OTOR: variants seen among roughly 807,000 people sequenced by gnomAD.
The protein encoded by OTOR is otoraplin, also known as fibrocyte-derived protein.
A neutral mutation model predicts 15.9 loss-of-function variants in OTOR; 20 were observed. The observed-to-expected ratio is 1.26, with a 90% confidence interval of 0.89 to 1.83. The LOEUF (loss-of-function observed/expected upper bound fraction) is 1.83. Ranked by LOEUF, OTOR falls within the 40% of genes most tolerant of loss-of-function variation. The pLI, the probability that OTOR is intolerant of heterozygous loss-of-function variation, is 0.00. For missense variants in OTOR, 184 were observed against 159.0 expected, an observed-to-expected ratio of 1.16 and a Z score of -0.85; for synonymous variants, 53 against 54.2, an observed-to-expected ratio of 0.98 and a Z score of 0.09.
Position 16,751,277 on chromosome 20 carries a change from G to C in OTOR, c.*159G>C. ...TAGGGGTTGGAGGTGGCAGATAAAA[G>C]AGGATTTTCAACTCAAATCTTGTTT... On this transcript the variant is annotated 3_prime_UTR_variant, in exon 4 of 4. Transcript: ENST00000246081. 1.7e-6 allele frequency: 1 copy of C among 580,306 alleles called. No homozygotes were observed. The highest frequency in any genetic ancestry group is 2.3e-5 in the South Asian group (1 of 42,896). The allele number at this position is 580,306 out of a possible 1,614,324, so 35.9% of individuals were successfully genotyped here.
intron 1 of OTOR, 109 bp downstream of exon 1, chr20:16,748,625 T>A: frequency 1.3e-6 from 1 of 755,898 alleles, no homozygotes; most frequent in Non-Finnish European, 2.2e-6. Flanking sequence ...CTCCAATGTG[T>A]ATGTTATCAG....
intron 2 of OTOR, among the ~76,000 whole-genome samples, chr20:16,749,209 T>C (rs1249323148): frequency 6.6e-6 from 1 of 152,176 alleles, no homozygotes; most frequent in African/African-American, 2.4e-5. Context: ...TGTAGGTTAA[T>C]GTGATATTTT....
intron 2 of OTOR, 92 bp from the exon 3 acceptor site, chr20:16,749,811 A>T (rs2072516444): frequency 2.4e-6 from 2 of 846,732 alleles, no homozygotes; most frequent in East Asian, 2.6e-5. Flanking sequence ...GGCAGCTATG[A>T]TTCTCACTAT....
chr20:16,749,964 A>ACTAGCGTT lies in OTOR; in HGVS notation c.317_318insCTAGCGTT (p.Lys106AsnfsTer2), dbSNP rs766933769. The ACTAGCGTT allele has an allele frequency of 6.2e-7, 1 of 1,613,874 alleles. No homozygotes were observed. Among genetic ancestry groups the ACTAGCGTT allele is most frequent in the Non-Finnish European group, 8.5e-7 (1 of 1,179,856 alleles). ...GGTTATTTCCCCAGGAACTTGGTCA[A>ACTAGCGTT]GGAACAGCGTGTGTACCAGGAAGCT... On this transcript the variant is annotated stop_gained and frameshift_variant, in exon 3 of 4. Coordinates refer to ENST00000246081, the MANE Select transcript of OTOR (RefSeq NM_020157.4). LOFTEE classifies it high-confidence loss of function.
chr20:16,751,592 G>C lies in OTOR; in HGVS notation c.*474G>C, dbSNP rs1371031630. 1 of 152,638 alleles carries C rather than the reference G, an allele frequency of 6.6e-6. No homozygotes were observed. Among genetic ancestry groups the C allele is most frequent in the Non-Finnish European group, 1.5e-5 (1 of 68,390 alleles). The allele number at this position is 152,638 out of a possible 1,614,324, so 9.5% of individuals were successfully genotyped here. On this transcript the variant is annotated 3_prime_UTR_variant, in exon 4 of 4. Coordinates refer to ENST00000246081, the MANE Select transcript of OTOR (RefSeq NM_020157.4). ...AATAAAAGGTCTGTATTATCAAAGA[G>C]TATTCTAGTATTTTTGTTACTTTTA...
At position 16,751,905 on chromosome 20, in the gene OTOR, A is replaced by C. The variant is rs1263244011; in HGVS notation, c.*787A>C. 8.1e-6 allele frequency: 1 copy of C among 123,296 alleles called. No homozygotes were observed. Among genetic ancestry groups the C allele is most frequent in the Non-Finnish European group, 1.9e-5 (1 of 53,854 alleles). 7.6% of individuals were successfully genotyped at this position (123,296 alleles called of 1,614,324 possible). ...AGCTGCAAGTCATCAAAAGACCCAGAAAAAAAAAAGTCTGTAGGTTATTTT... is the reference window on the plus strand; with the variant it reads ...AGCTGCAAGTCATCAAAAGACCCAGCAAAAAAAAAGTCTGTAGGTTATTTT... On this transcript the variant is annotated 3_prime_UTR_variant, in exon 4 of 4. Coordinates refer to ENST00000246081, the MANE Select transcript of OTOR (RefSeq NM_020157.4).
chr20:16,749,022 C>T lies in OTOR; in HGVS notation c.255+16C>T, dbSNP rs2072511669. On this transcript the variant is annotated intron_variant, in intron 2 of 3. Coordinates refer to ENST00000246081, the MANE Select transcript of OTOR (RefSeq NM_020157.4). ...GGCTGGCAGTGTAAGATAATTTAAA[C>T]ACCTATTGACGAATATTGCTCTTAA... 1 of 1,346,622 alleles carries T rather than the reference C, an allele frequency of 7.4e-7. No homozygotes were observed. The highest frequency in any genetic ancestry group is 1.5e-5 in the African/African-American group (1 of 66,164). 83.4% of individuals were successfully genotyped at this position (1,346,622 alleles called of 1,614,324 possible).
intron 3 of OTOR, among the ~76,000 whole-genome samples, chr20:16,750,604 T>G (rs2072523719): frequency 6.6e-6 from 1 of 152,232 alleles, no homozygotes; most frequent in African/African-American, 2.4e-5. Context: ...AATTATTATG[T>G]TTTTGATCAA....
chr20:16,750,335 G>C (rs1457017347), intron 3 of OTOR, among the ~76,000 whole-genome samples: 1 of 151,592 alleles, frequency 6.6e-6, no homozygotes, highest in African/African-American at 2.4e-5. Flanking sequence ...ATTATGTTTT[G>C]ATATACATTG....
Position 16,751,181 on chromosome 20 carries a change from C to A in OTOR, c.*63C>A. ...AAAATAAAGAAAAGAGCAAAAGTGGCCAAAAAATGCATGTCTGTAATTTTG... is the reference window on the plus strand; with the variant it reads ...AAAATAAAGAAAAGAGCAAAAGTGGACAAAAAATGCATGTCTGTAATTTTG... On this transcript the variant is annotated 3_prime_UTR_variant, in exon 4 of 4. Coordinates refer to ENST00000246081, the MANE Select transcript of OTOR (RefSeq NM_020157.4). 1 of 1,137,616 alleles carries A rather than the reference C, an allele frequency of 8.8e-7. No individual in the cohort carries two copies. Among genetic ancestry groups the A allele is most frequent in the Non-Finnish European group, 1.3e-6 (1 of 795,926 alleles). 70.5% of individuals were successfully genotyped at this position (1,137,616 alleles called of 1,614,324 possible). A position where few individuals can be genotyped will look rare whatever the true frequency, so the allele number is the denominator to read the frequency against.
chr20:16,750,155 G>A, intron 3 of OTOR, 145 bp downstream of exon 3: 2 of 572,198 alleles, frequency 3.5e-6, no homozygotes, highest in Middle Eastern at 2.7e-4. Flanking sequence ...ATGAGGTTTG[G>A]GGGACCATTT....
At chr20:16,750,755 C>A (rs2072524335) in intron 3 of OTOR, among the ~76,000 whole-genome samples, 1 of 152,186 alleles carries the variant, frequency 6.6e-6, no homozygotes, top group South Asian at 2.1e-4. Context: ...GCTTTCTGAG[C>A]TACTTTGCAA....
intron 3 of OTOR, 138 bp downstream of exon 3, chr20:16,750,148 A>G: frequency 3.4e-6 from 2 of 594,866 alleles, no homozygotes; most frequent in Non-Finnish European, 6.0e-6. Context: ...TGAGATAATG[A>G]GGTTTGGGGG....
rs115426082 is a variant in OTOR at position 16,748,459 on chromosome 20, G to A, written c.58G>A (p.Gly20Arg). 111 of 1,613,794 alleles carry A rather than the reference G, an allele frequency of 6.9e-5. No individual in the cohort carries two copies. In the African/African-American group the frequency reaches 1.4e-3, roughly 21 times the overall value. The change falls in exon 1 of 4, where the codon GGA becomes AGA. Residue 20 changes from glycine (G) to arginine (R), a missense_variant. Gly to Arg is a moderately radical substitution (Grantham distance 125, BLOSUM62 -2). Transcript: ENST00000246081. ...PGLVAVCAVH[G>R]IFMDRLASKK... ...TCTTGTGGCTGTATGTGCTGTGCATGGAATATTTATGGACCGTCTAGCTTC... is the reference window on the plus strand; with the variant it reads ...TCTTGTGGCTGTATGTGCTGTGCATAGAATATTTATGGACCGTCTAGCTTC...
chr20:16,752,110 T>C lies in OTOR; in HGVS notation c.*992T>C, dbSNP rs919647177. 1 of 152,232 alleles carries C rather than the reference T, an allele frequency of 6.6e-6. No homozygotes were observed. Among genetic ancestry groups the C allele is most frequent in the African/African-American group, 2.4e-5 (1 of 41,468 alleles). 9.4% of individuals were successfully genotyped at this position (152,232 alleles called of 1,614,324 possible). The stretch of plus-strand genomic sequence containing the variant: ...TGTTATTAATATAATTCTTTTGATG[T>C]AGTCATGAGTTTTTCTTTGTTTGCA... On this transcript the variant is annotated 3_prime_UTR_variant, in exon 4 of 4. Transcript: ENST00000246081.
intron 1 of OTOR, 128 bp from the exon 2 acceptor site, chr20:16,748,739 T>G (rs1003824911): frequency 5.1e-6 from 4 of 780,920 alleles, no homozygotes; most frequent in Non-Finnish European, 3.9e-6. Context: ...TTCTCTTGGA[T>G]AGACACCAGC....
chr20:16,749,049 C>T (rs753026853), intron 2 of OTOR, 43 bp downstream of exon 2: 2 of 1,434,476 alleles, frequency 1.4e-6, no homozygotes, highest in South Asian at 1.4e-5. Flanking sequence ...TGCTCTTAAC[C>T]TTTCCTTGAT....
chr20:16,749,018 T>C lies in OTOR; in HGVS notation c.255+12T>C, dbSNP rs749058920. On this transcript the variant is annotated intron_variant, in intron 2 of 3. Coordinates refer to ENST00000246081, the MANE Select transcript of OTOR (RefSeq NM_020157.4). ...TTTGGGCTGGCAGTGTAAGATAATT[T>C]AAACACCTATTGACGAATATTGCTC... The C allele has an allele frequency of 1.3e-6, 2 of 1,585,638 alleles. No homozygotes were observed. The highest frequency in any genetic ancestry group is 3.7e-5 in the Admixed American group (2 of 54,194).
rs1568758477 is a variant in OTOR, at chr20:16,748,393, A to T, written c.-9A>T. ...AGTCAGAGTTCAAGTTAAAACAGAA[A>T]AAAGGAAGATGGCAAGAATATTGTT... On this transcript the variant is annotated 5_prime_UTR_variant, in exon 1 of 4. Coordinates refer to ENST00000246081, the MANE Select transcript of OTOR (RefSeq NM_020157.4). 1 of 1,587,686 alleles carries T rather than the reference A, an allele frequency of 6.3e-7. No individual in the cohort carries two copies. The highest frequency in any genetic ancestry group is 8.6e-7 in the Non-Finnish European group (1 of 1,156,104).
Sources: gnomAD v4.1 joint callset for allele counts (sites outside exome capture counted in the v4.1 genomes callset) on GRCh38, gnomAD v4.1.1 for gene constraint, MANE v1.5 for transcripts, NCBI Gene and HGNC (gene_info 2026-07-23, HGNC 2026-07-21) for gene names.